VSTM5: variants seen among roughly 807,000 people sequenced by gnomAD.
VSTM5 encodes the protein V-set and transmembrane domain containing 5.
Under a neutral mutation model 20.3 loss-of-function variants are expected in VSTM5, and 21 were observed. The observed-to-expected ratio is 1.03, with a 90% CI of 0.73 to 1.49. VSTM5 has a LOEUF of 1.49. Ranked by LOEUF, VSTM5 falls within the 40% of genes most tolerant of loss-of-function variation. The probability of loss-of-function intolerance (pLI) is 0.00; values close to 1 mark genes in which losing one functional copy is unlikely to be tolerated. For missense variants in VSTM5, 219 were observed against 250.0 expected (o/e 0.88, Z 0.84); for synonymous variants, 100 against 102.5 (o/e 0.98, Z 0.14).
intron 1 of VSTM5, among the ~76,000 whole-genome samples, chr11:93,827,164 A>G (rs975783860): frequency 6.6e-6 from 1 of 152,110 alleles, no homozygotes; most frequent in Non-Finnish European, 1.5e-5. Context: ...CGAGTGGATC[A>G]CCTGAGTTTG....
intron 1 of VSTM5, chr11:93,827,516 G>A (rs1238092269): frequency 6.6e-6 from 1 of 152,204 alleles, no homozygotes. Flanking sequence ...TTAATCTAGA[G>A]TGAGTCCAGA....
intron 1 of VSTM5, among the ~76,000 whole-genome samples, chr11:93,849,941 G>C (rs1944444963): frequency 6.6e-6 from 1 of 152,258 alleles, no homozygotes; most frequent in Admixed American, 6.5e-5. Flanking sequence ...TGACTGATAA[G>C]GAGGCCTGAT....
Position 93,821,244 on chromosome 11 carries a change from G to A in VSTM5, c.171C>T (p.Tyr57=), listed in dbSNP as rs1944183467. 6.4e-7 allele frequency: 1 copy of A among 1,551,928 alleles called. No individual in the cohort carries two copies. Among genetic ancestry groups the A allele is most frequent in the East Asian group, 2.4e-5 (1 of 40,918 alleles). The part of the protein sequence containing the change: ...VKEDILLSVE[Y]SCHGVPTIEW... ...CGATGGTGGGCACTCCATGACAGGA[G>A]TACTCAACTGAGAGCAGGATGTCTT... The change falls in exon 2 of 4, where the codon TAC becomes TAT. Residue 57 remains tyrosine (Y), a synonymous_variant. Transcript: ENST00000409977.
intron 1 of VSTM5, among the ~76,000 whole-genome samples, chr11:93,826,856 G>A (rs1014587549): frequency 6.6e-6 from 1 of 151,958 alleles, no homozygotes; most frequent in Non-Finnish European, 1.5e-5. Context: ...TTAGGAGTCT[G>A]TTGTTTAATT....
At chr11:93,830,671 G>A (rs970691708) in intron 1 of VSTM5, among the ~76,000 whole-genome samples, 15 of 152,320 alleles carry the variant, frequency 9.8e-5, no homozygotes, top group South Asian at 2.1e-4. Flanking sequence ...TGGGGAAGGC[G>A]CTGGAGGGAC....
At chr11:93,834,381 G>A (rs1194363502) in intron 1 of VSTM5, among the ~76,000 whole-genome samples, 1 of 152,152 alleles carries the variant, frequency 6.6e-6, no homozygotes, top group Non-Finnish European at 1.5e-5. Flanking sequence ...ACACTCACCA[G>A]CTGTTTTTCC....
intron 1 of VSTM5, among the ~76,000 whole-genome samples, chr11:93,837,083 G>A (rs562386592): frequency 1.5e-4 from 23 of 151,714 alleles, no homozygotes; most frequent in African/African-American, 4.1e-4. Context: ...CCAGGCTGGA[G>A]TGTAGTGTCA....
rs769894466 is a variant in VSTM5, at chr11:93,821,322, A to G, written c.93T>C (p.Ser31=). The change falls in exon 2 of 4, where the codon AGT becomes AGC. Residue 31 remains serine (S), a splice_region_variant and synonymous_variant. Transcript: ENST00000409977. ...GAGGAATGTATAGGGACACACCCTG[A>G]CCTGCAGGATGATATGCTGGATGTT... ...LCLAAARCLQ[S]QGVSLYIPQA... 3.9e-5 allele frequency: 61 copies of G among 1,549,198 alleles called. No homozygotes were observed. The highest frequency in any genetic ancestry group is 5.1e-5 in the Non-Finnish European group (58 of 1,145,056).
rs570082851 is a variant in VSTM5, at chr11:93,850,506, C to T, written c.-4G>A. ...TCCCGCTGGGCAGAGGCCTCATGGG[C>T]GAGCCCGGGGCCTCGCGGGCCGGGG... On this transcript the variant is annotated 5_prime_UTR_variant, in exon 1 of 4. Transcript: ENST00000409977. 41 of 1,548,008 alleles carry T rather than the reference C, an allele frequency of 2.6e-5. No individual in the cohort carries two copies. In the Admixed American group the frequency reaches 4.7e-4, roughly 18 times the overall value.
chr11:93,832,385 G>C (rs1193760107), intron 1 of VSTM5, among the ~76,000 whole-genome samples: 1 of 152,178 alleles, frequency 6.6e-6, no homozygotes, highest in Non-Finnish European at 1.5e-5. Context: ...TAGACATACA[G>C]TTATCCATAT....
In VSTM5 at chr11:93,818,724, T is replaced by C. The variant is rs1361116324; in HGVS notation, c.*1845A>G. On this transcript the variant is annotated 3_prime_UTR_variant, in exon 4 of 4. Coordinates refer to ENST00000409977, the MANE Select transcript of VSTM5 (RefSeq NM_001144871.2). ...TACCCAACTCCCACTGCTTTCCTGC[T>C]GGTGGCCTCTCTGTGTGAAAGACAA... is the stretch of plus-strand genomic sequence containing the variant. 6.6e-6 allele frequency: 1 copy of C among 152,242 alleles called. No homozygotes were observed. Among genetic ancestry groups the C allele is most frequent in the Non-Finnish European group, 1.5e-5 (1 of 68,074 alleles). 9.4% of individuals were successfully genotyped at this position (152,242 alleles called of 1,614,324 possible). A position where few individuals can be genotyped will look rare whatever the true frequency, so the allele number is the denominator to read the frequency against.
intron 1 of VSTM5, among the ~76,000 whole-genome samples, chr11:93,844,052 C>T (rs905431256): frequency 6.6e-6 from 1 of 152,226 alleles, no homozygotes; most frequent in Admixed American, 6.5e-5. Context: ...CCCATCTCCC[C>T]TGTTAGAAAG....
chr11:93,820,427 G>A lies in VSTM5; in HGVS notation c.*142C>T. On this transcript the variant is annotated 3_prime_UTR_variant, in exon 4 of 4. Transcript: ENST00000409977. Reference sequence around the variant, plus strand: ...CATCCACAGTCCTCAACTCCATGCAGTCAATGTTGTTAATCTCCCACTGTC... The same window carrying A: ...CATCCACAGTCCTCAACTCCATGCAATCAATGTTGTTAATCTCCCACTGTC... 1 of 841,742 alleles carries A rather than the reference G, an allele frequency of 1.2e-6. No individual in the cohort carries two copies. The highest frequency in any genetic ancestry group is 1.7e-5 in the South Asian group (1 of 58,810). The allele number at this position is 841,742 out of a possible 1,614,324, so 52.1% of individuals were successfully genotyped here.
At chr11:93,849,599 C>G (rs904073851) in intron 1 of VSTM5, among the ~76,000 whole-genome samples, 1 of 152,222 alleles carries the variant, frequency 6.6e-6, no homozygotes, top group Non-Finnish European at 1.5e-5. Context: ...AGTGCTGGCT[C>G]TTACTACAAG....
intron 1 of VSTM5, among the ~76,000 whole-genome samples, chr11:93,847,756 A>G (rs612398): frequency 0.99 from 151,399 of 152,360 alleles, 75,241 homozygotes; most frequent in Non-Finnish European, 1. Flanking sequence ...TTCCGAGCCC[A>G]TAAGTCCTTG....
In VSTM5 at chr11:93,821,062, T is replaced by C. The variant is rs1366638860; in HGVS notation, c.353A>G (p.Tyr118Cys). Reference protein sequence around the residue: ...FSVGVRDSGYYVITVTERLGS... With the variant: ...FSVGVRDSGYCVITVTERLGS... ...CAGGCGCTCCGTCACGGTGATGACA[T>C]AGTAGCCGGAATCCCTCACTCCCAC... Residue 118 changes from tyrosine to cysteine, a missense_variant, in exon 2 of 4, where the codon TAT becomes TGT. Coordinates refer to ENST00000409977, the MANE Select transcript of VSTM5 (RefSeq NM_001144871.2). The C allele has an allele frequency of 2.6e-6, 4 of 1,551,656 alleles. No individual in the cohort carries two copies. The African/African-American group carries it at 4.1e-5, about 16-fold the overall frequency.
At chr11:93,833,157 T>C (rs1327439930) in intron 1 of VSTM5, among the ~76,000 whole-genome samples, 1 of 152,226 alleles carries the variant, frequency 6.6e-6, no homozygotes, top group Admixed American at 6.5e-5. Flanking sequence ...AATTAATAAC[T>C]TGTTTTCCAT....
At chr11:93,836,380 C>T (rs1237640958) in intron 1 of VSTM5, among the ~76,000 whole-genome samples, 1 of 152,230 alleles carries the variant, frequency 6.6e-6, no homozygotes, top group Non-Finnish European at 1.5e-5. Flanking sequence ...AGTCAAACCC[C>T]TTCAAAGGCT....
intron 1 of VSTM5, among the ~76,000 whole-genome samples, chr11:93,847,821 C>G (rs1005359895): frequency 6.6e-6 from 1 of 152,200 alleles, no homozygotes; most frequent in Non-Finnish European, 1.5e-5. Flanking sequence ...GTGGCTTAAA[C>G]CACAGTTATT....
Sources: gnomAD v4.1 joint callset for allele counts (sites outside exome capture counted in the v4.1 genomes callset) on GRCh38, gnomAD v4.1.1 for gene constraint, MANE v1.5 for transcripts, NCBI Gene and HGNC (gene_info 2026-07-23, HGNC 2026-07-21) for gene names.